Variants in NFKB1 observed in about 807,000 individuals in gnomAD.
NFKB1 encodes the protein nuclear factor NF-kappa-B p105 subunit.
In NFKB1, 9 loss-of-function variants were observed where a neutral mutation model predicts 105.1. The ratio of observed to expected loss-of-function variants is 0.09; its 90% confidence interval spans 0.05 to 0.15. The LOEUF is 0.15. Among genes scored for constraint, NFKB1 ranks in the 10% least tolerant of loss-of-function variants. The pLI, the probability that NFKB1 is intolerant of heterozygous loss-of-function variation, is 1.00. For missense variants in NFKB1, 830 were observed against 1,203.7 expected (o/e 0.69, Z 4.59); for synonymous variants, 440 against 442.2 (o/e 1.00, Z 0.06).
At chr4:102,593,700 G>A in intron 12 of NFKB1, 132 bp downstream of exon 12, 2 of 820,180 alleles carry the variant, frequency 2.4e-6, no homozygotes, top group Non-Finnish European at 3.4e-6. Context: ...AAAATTTCCT[G>A]ACAAATGTAA....
chr4:102,538,025 T>A (rs1044234870), intron 5 of NFKB1, 69 bp downstream of exon 5: 2 of 968,764 alleles, frequency 2.1e-6, no homozygotes, highest in African/African-American at 3.2e-5. Flanking sequence ...TTCCAAGGAA[T>A]TGCTTTAAAT....
At chr4:102,516,610 G>A (rs1181028554) in intron 1 of NFKB1, among the ~76,000 whole-genome samples, 3 of 151,502 alleles carry the variant, frequency 2.0e-5, no homozygotes, top group Admixed American at 2.0e-4. Context: ...GCATTTCTTT[G>A]CTGATATTGC....
chr4:102,549,701 C>G (rs569218312), intron 5 of NFKB1, among the ~76,000 whole-genome samples: 18 of 152,156 alleles, frequency 1.2e-4, no homozygotes, highest in African/African-American at 4.1e-4. Flanking sequence ...ATCTTCCCCA[C>G]CAATCTGCTC....
In NFKB1 at chr4:102,612,055, A is replaced by G; in HGVS notation, c.2364A>G (p.Ile788Met). 1.2e-6 allele frequency: 2 copies of G among 1,614,016 alleles called. No homozygotes were observed. Among genetic ancestry groups the G allele is most frequent in the Non-Finnish European group, 1.7e-6 (2 of 1,179,866 alleles). The change falls in exon 21 of 24, where the codon ATA becomes ATG. Residue 788 changes from isoleucine (I) to methionine (M), a missense_variant. Ile to Met is a conservative substitution (Grantham distance 10, BLOSUM62 1). Coordinates refer to ENST00000226574, the MANE Select transcript of NFKB1 (RefSeq NM_003998.4). ...DMATSWQVFDILNGKPYEPEF... is the reference protein window; with the variant it reads ...DMATSWQVFDMLNGKPYEPEF... ...TTTCTTTCCAACAGGTATTTGACAT[A>G]TTAAATGGGAAACCATATGAGCCAG... is the stretch of plus-strand genomic sequence containing the variant.
chr4:102,564,545 C>T (rs1201161025), intron 5 of NFKB1, among the ~76,000 whole-genome samples: 1 of 152,228 alleles, frequency 6.6e-6, no homozygotes, highest in African/African-American at 2.4e-5. Flanking sequence ...GATCCAACAG[C>T]ACATGAGTCA....
chr4:102,566,028 T>C (rs1723838428), intron 5 of NFKB1, among the ~76,000 whole-genome samples: 1 of 152,162 alleles, frequency 6.6e-6, no homozygotes, highest in South Asian at 2.1e-4. Flanking sequence ...GGGCTCTGAC[T>C]TGATAGGATT....
rs143364013 is a variant in NFKB1 at position 102,613,198 on chromosome 4, A to T, written c.2593-227A>T. Among the ~76,000 whole-genome samples the T allele has an allele frequency of 2.6e-5, 4 of 152,178 alleles. No homozygotes were observed. In the East Asian group the frequency reaches 7.7e-4, roughly 29 times the overall value. ...TCTCTCGCTGTCTCTCTCTCTGCTT[A>T]CTACAAACCACTTCTCTGTGATTTC... On this transcript the variant is annotated intron_variant, in intron 22 of 23. Transcript: ENST00000226574.
In NFKB1 at chr4:102,550,551, T is replaced by C. The variant is rs1439021088; in HGVS notation, c.258+12595T>C. On this transcript the variant is annotated intron_variant, in intron 5 of 23. Coordinates refer to ENST00000226574, the MANE Select transcript of NFKB1 (RefSeq NM_003998.4). Reference sequence around the variant, plus strand: ...AAATGTGTATCTCATATCCCATATTTCTTCAGTAACTGAAAACCCTCATCA... The same window carrying C: ...AAATGTGTATCTCATATCCCATATTCCTTCAGTAACTGAAAACCCTCATCA... Among the ~76,000 whole-genome samples, 5 of 152,340 alleles carry C rather than the reference T, an allele frequency of 3.3e-5. No individual in the cohort carries two copies. The East Asian group carries it at 9.6e-4, about 29-fold the overall frequency.
At chr4:102,602,594 G>A (rs1025724420) in intron 16 of NFKB1, among the ~76,000 whole-genome samples, 11 of 150,730 alleles carry the variant, frequency 7.3e-5, no homozygotes, top group African/African-American at 2.2e-4. Context: ...CTACTAAAAC[G>A]TTTACATGTG....
At chr4:102,533,052 A>C (rs370733261) in intron 3 of NFKB1, among the ~76,000 whole-genome samples, 3 of 152,216 alleles carry the variant, frequency 2.0e-5, no homozygotes, top group Admixed American at 6.6e-5. Flanking sequence ...ACTAATTTGC[A>C]TGTACCTATC....
At position 102,611,348 on chromosome 4, in the gene NFKB1, C is replaced by T. The variant is rs565291976; in HGVS notation, c.2352+649C>T. Among the ~76,000 whole-genome samples, 35 of 2,610 alleles carry T rather than the reference C, an allele frequency of 0.013. 1 individual carries two copies. The South Asian group carries it at 0.38, about 28-fold the overall frequency. The allele number at this position is 2,610 out of a possible 152,430, so 1.7% of individuals were successfully genotyped here. On this transcript the variant is annotated intron_variant, in intron 20 of 23. Coordinates refer to ENST00000226574, the MANE Select transcript of NFKB1 (RefSeq NM_003998.4). The stretch of plus-strand genomic sequence containing the variant: ...AGCCTGTATGTGTCCAGCTCACTGA[C>T]GTTAGCATGGTTCTCCCTTTATGTT...
intron 1 of NFKB1, among the ~76,000 whole-genome samples, chr4:102,525,017 T>C (rs1157050122): frequency 6.6e-6 from 1 of 152,180 alleles, no homozygotes; most frequent in East Asian, 1.9e-4. Flanking sequence ...ATAGCAGTCC[T>C]CCCCTTGTGT....
At chr4:102,606,096 T>C (rs887886738) in intron 16 of NFKB1, among the ~76,000 whole-genome samples, 28 of 152,182 alleles carry the variant, frequency 1.8e-4, no homozygotes, top group African/African-American at 5.8e-4. Context: ...TATTAAGACT[T>C]GTAAATATGA....
At chr4:102,524,454 G>A (rs1385098018) in intron 1 of NFKB1, among the ~76,000 whole-genome samples, 4 of 152,094 alleles carry the variant, frequency 2.6e-5, no homozygotes, top group South Asian at 4.1e-4. Flanking sequence ...TGTGGAACAC[G>A]CTAGAGCAGC....
rs933998293 is a variant in NFKB1, at chr4:102,617,213, C to T, written c.*619C>T. The T allele has an allele frequency of 1.3e-5, 2 of 150,858 alleles. No individual in the cohort carries two copies. The highest frequency in any genetic ancestry group is 4.9e-5 in the African/African-American group (2 of 40,818). 9.3% of individuals were successfully genotyped at this position (150,858 alleles called of 1,614,324 possible). ...GCTATTGTAAATATGTTTTTTAGAT[C>T]AAATACTTTAAAGGAAAAAATGTTG... On this transcript the variant is annotated 3_prime_UTR_variant, in exon 24 of 24. Coordinates refer to ENST00000226574, the MANE Select transcript of NFKB1 (RefSeq NM_003998.4).
At chr4:102,598,584 T>A (rs1726848378) in intron 15 of NFKB1, among the ~76,000 whole-genome samples, 1 of 152,216 alleles carries the variant, frequency 6.6e-6, no homozygotes, top group Non-Finnish European at 1.5e-5. Context: ...CCACTGGCCT[T>A]GTTATACAGT....
intron 9 of NFKB1, among the ~76,000 whole-genome samples, chr4:102,581,632 T>C (rs1249510795): frequency 6.6e-6 from 1 of 152,154 alleles, no homozygotes; most frequent in African/African-American, 2.4e-5. Context: ...CCAGCCTAGA[T>C]GACAGAGCGA....
In NFKB1 at chr4:102,609,966, ATTTG is replaced by A. The variant is rs34670343; in HGVS notation, c.2228-602_2228-599del. Among the ~76,000 whole-genome samples, 535 of 152,200 alleles carry A rather than the reference ATTTG, an allele frequency of 3.5e-3. 4 individuals carry two copies. Among genetic ancestry groups the A allele is most frequent in the African/African-American group, 0.012 (501 of 41,522 alleles). ...TTTGAGTTACTTTGATGTTTTGTTT[ATTTG>A]TTTGTTGTTTTTGTTTTTGCTGGAT... On this transcript the variant is annotated intron_variant, in intron 19 of 23. Coordinates refer to ENST00000226574, the MANE Select transcript of NFKB1 (RefSeq NM_003998.4).
chr4:102,592,256 G>A (rs1264206250), intron 11 of NFKB1, among the ~76,000 whole-genome samples: 2 of 152,232 alleles, frequency 1.3e-5, no homozygotes, highest in East Asian at 3.8e-4. Context: ...TAGTAAAGCA[G>A]CAGCAGTGTT....
Sources: gnomAD v4.1 joint callset for allele counts (sites outside exome capture counted in the v4.1 genomes callset) on GRCh38, gnomAD v4.1.1 for gene constraint, MANE v1.5 for transcripts, NCBI Gene and HGNC (gene_info 2026-07-23, HGNC 2026-07-21) for gene names.